YEATS2: variants seen among roughly 807,000 people sequenced by gnomAD.
The protein encoded by YEATS2 is YEATS domain-containing protein 2.
YEATS2 carries 77 observed loss-of-function variants against 163.2 expected under a neutral mutation model. The ratio of observed to expected loss-of-function variants is 0.47; its 90% CI spans 0.39 to 0.57. The LOEUF is 0.57. Ranked by LOEUF, YEATS2 falls within the 20% of genes least tolerant of loss-of-function variation. The pLI is 0.00. For missense variants in YEATS2, 1,549 were observed against 1,729.8 expected (o/e 0.90, Z 1.85); for synonymous variants, 631 against 645.1 (o/e 0.98, Z 0.33).
Position 183,786,196 on chromosome 3 carries a change from A to C in YEATS2, c.2808A>C (p.Ser936=). 1 of 1,614,168 alleles carries C rather than the reference A, an allele frequency of 6.2e-7. No individual in the cohort carries two copies. Among genetic ancestry groups the C allele is most frequent in the South Asian group, 1.1e-5 (1 of 91,068 alleles). ...DSTLKTVPAT[S]QLSKPGTTML... is the part of the protein sequence containing the mutation. ...CCTTGAAGACTGTGCCAGCCACCTC[A>C]CAGCTCTCGAAGCCTGGAACCACAA... Residue 936 remains serine (S), a synonymous_variant, in exon 20 of 31, where the codon TCA becomes TCC. Coordinates refer to ENST00000305135, the MANE Select transcript of YEATS2 (RefSeq NM_018023.5).
At chr3:183,775,481 G>A (rs753903756) in intron 17 of YEATS2, among the ~76,000 whole-genome samples, 1 of 152,216 alleles carries the variant, frequency 6.6e-6, no homozygotes, top group Non-Finnish European at 1.5e-5. Context: ...TGTAGTCCCA[G>A]CTCCTTGGGA....
At chr3:183,733,989 C>A (rs112261289) in intron 7 of YEATS2, among the ~76,000 whole-genome samples, 1 of 152,040 alleles carries the variant, frequency 6.6e-6, no homozygotes, top group Non-Finnish European at 1.5e-5. Flanking sequence ...GAAACTGGAG[C>A]GGGCCAGCTC....
chr3:183,803,803 T>C (rs1440594163), intron 26 of YEATS2, 184 bp from the exon 27 acceptor site: 1 of 631,910 alleles, frequency 1.6e-6, no homozygotes, highest in African/African-American at 1.8e-5. Flanking sequence ...TGCTGTTTTA[T>C]TGTATTAGCA....
chr3:183,809,278 T>C, intron 30 of YEATS2, 108 bp downstream of exon 30: 2 of 1,145,236 alleles, frequency 1.7e-6, no homozygotes, highest in South Asian at 2.5e-5. Flanking sequence ...GGAGATGGAG[T>C]GAGTGCTTAG....
intron 6 of YEATS2, among the ~76,000 whole-genome samples, chr3:183,728,045 T>TATTTTATTTTAGTTCATTA (rs1251678564): frequency 3.3e-5 from 5 of 152,158 alleles, no homozygotes; most frequent in African/African-American, 4.8e-5. Context: ...TTTATTTTAT[T>TATTTTATTTTAGTTCATTA]ATTTTATTTT....
At chr3:183,804,747 G>C (rs1008439230) in intron 27 of YEATS2, among the ~76,000 whole-genome samples, 6 of 152,106 alleles carry the variant, frequency 3.9e-5, no homozygotes, top group African/African-American at 1.4e-4. Flanking sequence ...CAGCACTTTG[G>C]GAGGCCGAGG....
chr3:183,776,144 T>C (rs1288958158), intron 18 of YEATS2, 21 bp downstream of exon 18: 4 of 1,531,294 alleles, frequency 2.6e-6, no homozygotes, highest in Non-Finnish European at 2.6e-6. Flanking sequence ...CTGTAACTGA[T>C]ATTTTAAATC....
At chr3:183,796,891 T>G (rs1484355659) in intron 21 of YEATS2, among the ~76,000 whole-genome samples, 2 of 152,146 alleles carry the variant, frequency 1.3e-5, no homozygotes, top group African/African-American at 4.8e-5. Context: ...TTTTTATCCT[T>G]TTTACTAGCA....
At chr3:183,752,387 T>A in intron 10 of YEATS2, 134 bp downstream of exon 10, 1 of 1,121,334 alleles carries the variant, frequency 8.9e-7, no homozygotes, top group Non-Finnish European at 1.3e-6. Flanking sequence ...ACAGTTCTGT[T>A]ATGAAAGCCA....
chr3:183,742,535 C>T (rs1719083772), intron 8 of YEATS2, among the ~76,000 whole-genome samples: 1 of 152,212 alleles, frequency 6.6e-6, no homozygotes, highest in Non-Finnish European at 1.5e-5. Flanking sequence ...GACTGAATTG[C>T]TGCAGTTTTA....
intron 19 of YEATS2, among the ~76,000 whole-genome samples, chr3:183,780,340 C>G (rs1723447195): frequency 6.6e-6 from 1 of 152,188 alleles, no homozygotes; most frequent in Non-Finnish European, 1.5e-5. Context: ...TTCTGGTTGC[C>G]TCAAGCTTCT....
chr3:183,801,291 T>C (rs1725642647), intron 24 of YEATS2, 164 bp from the exon 25 acceptor site: 1 of 497,440 alleles, frequency 2.0e-6, no homozygotes, highest in Non-Finnish European at 3.5e-6. Flanking sequence ...ACCCCTCCTT[T>C]ACAAAGAAGG....
intron 15 of YEATS2, 59 bp from the exon 16 acceptor site, chr3:183,772,246 G>A (rs977678784): frequency 6.2e-6 from 10 of 1,601,248 alleles, no homozygotes; most frequent in East Asian, 4.5e-5. Context: ...CTGCCAAAAC[G>A]GTGACTGCTG....
chr3:183,716,120 T>A (rs537811792), intron 2 of YEATS2, among the ~76,000 whole-genome samples: 3 of 151,910 alleles, frequency 2.0e-5, no homozygotes. Context: ...CCACCACGCC[T>A]TGCTAATATT....
At chr3:183,809,891 A>C (rs1726621635) in intron 30 of YEATS2, 1 of 152,874 alleles carries the variant, frequency 6.5e-6, no homozygotes, top group African/African-American at 2.4e-5. Context: ...ATGAAACTTC[A>C]CAGGAATATA....
intron 10 of YEATS2, among the ~76,000 whole-genome samples, chr3:183,752,534 C>G (rs1720281580): frequency 1.3e-5 from 2 of 151,452 alleles, no homozygotes; most frequent in South Asian, 4.2e-4. Flanking sequence ...ACGGTGAAAC[C>G]CCGTCTCTAC....
At chr3:183,708,298 A>G (rs1196664242) in intron 1 of YEATS2, among the ~76,000 whole-genome samples, 3 of 151,100 alleles carry the variant, frequency 2.0e-5, no homozygotes, top group African/African-American at 7.3e-5. Flanking sequence ...AGTAGCTGGG[A>G]CTACAGGCAC....
chr3:183,791,380 A>G (rs263021), intron 21 of YEATS2, among the ~76,000 whole-genome samples: 67,498 of 152,126 alleles, frequency 0.44, 15,243 homozygotes, highest in Middle Eastern at 0.56. Context: ...GTAAATTGTT[A>G]AAAGTAATTA....
At chr3:183,750,229 G>T (rs1720023399) in intron 9 of YEATS2, among the ~76,000 whole-genome samples, 1 of 152,236 alleles carries the variant, frequency 6.6e-6, no homozygotes, top group African/African-American at 2.4e-5. Flanking sequence ...AAAGTGTTGG[G>T]ATTATAGGCA....
Sources: gnomAD v4.1 joint callset for allele counts (sites outside exome capture counted in the v4.1 genomes callset) on GRCh38, gnomAD v4.1.1 for gene constraint, MANE v1.5 for transcripts, NCBI Gene and HGNC (gene_info 2026-07-23, HGNC 2026-07-21) for gene names.